The following BHMT2 variants were observed in gnomAD, a reference collection of about 807,000 sequenced individuals.
BHMT2 encodes betaine--homocysteine S-methyltransferase 2.
Under a neutral mutation model 39.0 loss-of-function variants are expected in BHMT2, and 28 were observed. The ratio of observed to expected loss-of-function variants is 0.72; its 90% CI spans 0.53 to 0.98. The LOEUF (loss-of-function observed/expected upper bound fraction) is 0.98. BHMT2 is among the 50% of genes least tolerant of loss of function. The probability of loss-of-function intolerance (pLI) is 0.00; values close to 1 mark genes in which losing one functional copy is unlikely to be tolerated. For synonymous variants in BHMT2, 145 were observed against 160.6 expected, an observed-to-expected ratio of 0.90 and a Z score of 0.74; for missense variants, 410 against 455.6, an observed-to-expected ratio of 0.90 and a Z score of 0.91.
rs950465465 is a variant in BHMT2 at position 79,089,706 on chromosome 5, C to T, written c.*1132C>T. ...TTTAGGCCAGGGGCACAGGCTGACA[C>T]CTATAATCCCAGCACTTTGGGAGGC... On this transcript the variant is annotated 3_prime_UTR_variant, in exon 8 of 8. Coordinates refer to ENST00000255192, the MANE Select transcript of BHMT2 (RefSeq NM_017614.5). Among the ~76,000 whole-genome samples the T allele has an allele frequency of 3.3e-5, 5 of 152,144 alleles. No individual in the cohort carries two copies. The highest frequency in any genetic ancestry group is 4.8e-5 in the African/African-American group (2 of 41,428).
At position 79,079,768 on chromosome 5, in the gene BHMT2, C is replaced by T. The variant is rs186767726; in HGVS notation, c.258+308C>T. On this transcript the variant is annotated intron_variant, in intron 3 of 7. Transcript: ENST00000255192. The stretch of plus-strand genomic sequence containing the variant: ...AAAATTAGCTGGGTGTGGTGGCAGG[C>T]GCCAGTAATCCCAGCTACGCAGGAG... Among the ~76,000 whole-genome samples, 14 of 152,082 alleles carry T rather than the reference C, an allele frequency of 9.2e-5. No individual in the cohort carries two copies. The East Asian group carries it at 1.2e-3, about 13-fold the overall frequency.
In BHMT2 at chr5:79,080,761, G is replaced by C; in HGVS notation, c.333G>C (p.Gly111=). The change falls in exon 4 of 8, where the codon GGG becomes GGC. Residue 111 remains glycine (G), a synonymous_variant. Transcript: ENST00000255192. ...GCAAAGGTGATGCTTTGGTAGCAGG[G>C]GGGATCTGCCAGACATCAATATACA... is the stretch of plus-strand genomic sequence containing the variant. ...VAGKGDALVA[G]GICQTSIYKY... 6.2e-7 allele frequency: 1 copy of C among 1,605,170 alleles called. No individual in the cohort carries two copies.
At chr5:79,071,646 T>C (rs907110898) in intron 1 of BHMT2, among the ~76,000 whole-genome samples, 2 of 152,018 alleles carry the variant, frequency 1.3e-5, no homozygotes, top group African/African-American at 4.8e-5. Flanking sequence ...CAACACACAC[T>C]GGGGCCTATC....
chr5:79,075,264 T>A (rs1203372410), intron 1 of BHMT2, among the ~76,000 whole-genome samples: 1 of 152,126 alleles, frequency 6.6e-6, no homozygotes, highest in Admixed American at 6.5e-5. Context: ...TGGTGCACAC[T>A]CTGTAAAAAA....
chr5:79,078,313 T>C (rs1383152888), intron 2 of BHMT2, among the ~76,000 whole-genome samples: 1 of 151,478 alleles, frequency 6.6e-6, no homozygotes, highest in Admixed American at 6.6e-5. Flanking sequence ...TATGATGGGA[T>C]TAGATAGTTA....
Position 79,088,554 on chromosome 5 carries a change from C to A in BHMT2, c.1072C>A (p.Leu358Met), listed in dbSNP as rs777812797. 1 of 1,614,078 alleles carries A rather than the reference C, an allele frequency of 6.2e-7. No homozygotes were observed. Among genetic ancestry groups the A allele is most frequent in the East Asian group, 2.2e-5 (1 of 44,876 alleles). Residue 358 changes from leucine (L) to methionine (M), a missense_variant, in exon 8 of 8, where the codon CTG (leucine) becomes ATG (methionine). By Grantham distance (15) the Leu-to-Met change is conservative. Coordinates refer to ENST00000255192, the MANE Select transcript of BHMT2 (RefSeq NM_017614.5). ...PASGRPFCPSLSKPDF is the reference protein window; with the variant it reads ...PASGRPFCPSMSKPDF ...TTCAGGCAGACCTTTCTGTCCTTCGCTGTCAAAGCCAGACTTCTAAGGAGT... is the reference window on the plus strand; with the variant it reads ...TTCAGGCAGACCTTTCTGTCCTTCGATGTCAAAGCCAGACTTCTAAGGAGT...
chr5:79,087,034 A>C (rs918364740), intron 7 of BHMT2, among the ~76,000 whole-genome samples: 2 of 146,564 alleles, frequency 1.4e-5, no homozygotes, highest in East Asian at 3.9e-4. Context: ...ATATATATAT[A>C]TATATATACA....
At chr5:79,086,977 T>G (rs1755907352) in intron 7 of BHMT2, among the ~76,000 whole-genome samples, 1 of 148,224 alleles carries the variant, frequency 6.7e-6, no homozygotes, top group Non-Finnish European at 1.5e-5. Flanking sequence ...TCTTTCCATA[T>G]AGATAATCTT....
In BHMT2 at chr5:79,080,751, TGGTAGCAG is replaced by T. The variant is rs1755770916; in HGVS notation, c.326_333del (p.Val109GlyfsTer14). On this transcript the variant is annotated frameshift_variant, in exon 4 of 8. Transcript: ENST00000255192. LOFTEE classifies it high-confidence loss of function. ...GAAGTGGCTGGCAAAGGTGATGCTTTGGTAGCAGGGGGGATCTGCCAGACATCAATATA... is the reference window on the plus strand; with the variant it reads ...GAAGTGGCTGGCAAAGGTGATGCTTTGGGGGATCTGCCAGACATCAATATA... 1 of 1,604,234 alleles carries T rather than the reference TGGTAGCAG, an allele frequency of 6.2e-7. No homozygotes were observed. Among genetic ancestry groups the T allele is most frequent in the Admixed American group, 1.7e-5 (1 of 57,750 alleles).
Position 79,077,471 on chromosome 5 carries a change from C to G in BHMT2, c.34-9C>G, listed in dbSNP as rs765058479. ...AGCGGAGCTTAGGTGCTTTTTTTCT[C>G]TTCTTCAGGGGATTTTGGAGCGCCT... On this transcript the variant is annotated splice_polypyrimidine_tract_variant and intron_variant, in intron 1 of 7. Transcript: ENST00000255192. 6.3e-7 allele frequency: 1 copy of G among 1,594,146 alleles called. No individual in the cohort carries two copies. The highest frequency in any genetic ancestry group is 1.4e-5 in the African/African-American group (1 of 72,804).
Position 79,077,495 on chromosome 5 carries a change from C to T in BHMT2, c.49C>T (p.Leu17=). 1 of 1,613,038 alleles carries T rather than the reference C, an allele frequency of 6.2e-7. No individual in the cohort carries two copies. The highest frequency in any genetic ancestry group is 8.5e-7 in the Non-Finnish European group (1 of 1,179,804). ...PGAKKGILER[L]ESGEVVIGDG... is the part of the protein sequence containing the mutation. ...TCTTCTTCAGGGGATTTTGGAGCGC[C>T]TGGAGAGTGGGGAGGTTGTGATTGG... is the stretch of plus-strand genomic sequence containing the variant. The change falls in exon 2 of 8, where the codon CTG becomes TTG. Residue 17 remains leucine (L), a synonymous_variant. Coordinates refer to ENST00000255192, the MANE Select transcript of BHMT2 (RefSeq NM_017614.5).
In BHMT2 at chr5:79,088,556, G is replaced by A. The variant is rs746785482; in HGVS notation, c.1074G>A (p.Leu358=). The change falls in exon 8 of 8, where the codon CTG becomes CTA. Residue 358 remains leucine, a synonymous_variant. Transcript: ENST00000255192. ...PASGRPFCPS[L]SKPDF is the part of the protein sequence containing the mutation. ...CAGGCAGACCTTTCTGTCCTTCGCT[G>A]TCAAAGCCAGACTTCTAAGGAGTAG... 1 of 1,613,984 alleles carries A rather than the reference G, an allele frequency of 6.2e-7. No homozygotes were observed. The highest frequency in any genetic ancestry group is 1.1e-5 in the South Asian group (1 of 91,058).
At chr5:79,080,067 C>G (rs2112699319) in intron 3 of BHMT2, among the ~76,000 whole-genome samples, 1 of 152,266 alleles carries the variant, frequency 6.6e-6, no homozygotes, top group South Asian at 2.1e-4. Flanking sequence ...TCATTTCACA[C>G]TTTTCTCTTC....
chr5:79,069,893 T>A, intron 1 of BHMT2, 78 bp downstream of exon 1: 1 of 1,291,434 alleles, frequency 7.7e-7, no homozygotes, highest in Non-Finnish European at 9.9e-7. Context: ...CCGGCGTCCA[T>A]CCCTAGCCAA....
At chr5:79,070,357 A>C (rs1378140160) in intron 1 of BHMT2, among the ~76,000 whole-genome samples, 2 of 152,124 alleles carry the variant, frequency 1.3e-5, no homozygotes, top group Non-Finnish European at 2.9e-5. Context: ...GCTGCGGTGC[A>C]GGGTGGAGGG....
chr5:79,083,270 T>A lies in BHMT2; in HGVS notation c.677T>A (p.Leu226His). ...LKTMELMKEG[L>H]EWAGLKAHLM... is the part of the protein sequence containing the mutation. ...ACGATGGAGCTCATGAAGGAGGGTC[T>A]TGAGTGGGCAGGGCTGAAAGCGCAC... The change falls in exon 6 of 8, where the codon CTT (leucine) becomes CAT (histidine). Residue 226 changes from leucine to histidine, a missense_variant. Physicochemically the swap from Leu to His is moderately conservative, Grantham distance 99. Coordinates refer to ENST00000255192, the MANE Select transcript of BHMT2 (RefSeq NM_017614.5). The A allele has an allele frequency of 3.7e-6, 6 of 1,614,150 alleles. No homozygotes were observed. The highest frequency in any genetic ancestry group is 5.1e-6 in the Non-Finnish European group (6 of 1,180,032).
chr5:79,069,909 G>A, intron 1 of BHMT2, 94 bp downstream of exon 1: 1 of 1,247,272 alleles, frequency 8.0e-7, no homozygotes, highest in Non-Finnish European at 1.0e-6. Context: ...GCCAAGCCCT[G>A]GGGCCTCGGC....
At position 79,088,508 on chromosome 5, in the gene BHMT2, T is replaced by C. The variant is rs764769227; in HGVS notation, c.1026T>C (p.Tyr342=). The part of the protein sequence containing the change: ...PWIRARARRE[Y]WENLLPASGR... Reference sequence around the variant, plus strand: ...TGAAACACAGGGCTCGAAGGGAGTATTGGGAGAATCTGCTGCCAGCTTCAG... The same window carrying C: ...TGAAACACAGGGCTCGAAGGGAGTACTGGGAGAATCTGCTGCCAGCTTCAG... Residue 342 remains tyrosine, a synonymous_variant, in exon 8 of 8, where the codon TAT becomes TAC. Transcript: ENST00000255192. 3.1e-6 allele frequency: 5 copies of C among 1,613,976 alleles called. No individual in the cohort carries two copies. The South Asian group carries it at 5.5e-5, about 18-fold the overall frequency.
intron 1 of BHMT2, among the ~76,000 whole-genome samples, chr5:79,073,784 C>T (rs1371671605): frequency 6.6e-6 from 1 of 152,180 alleles, no homozygotes; most frequent in Non-Finnish European, 1.5e-5. Context: ...CCTCCAAGTG[C>T]ACAGTAAAAA....
Sources: gnomAD v4.1 joint callset for allele counts (sites outside exome capture counted in the v4.1 genomes callset) on GRCh38, gnomAD v4.1.1 for gene constraint, MANE v1.5 for transcripts, NCBI Gene and HGNC (gene_info 2026-07-23, HGNC 2026-07-21) for gene names.